PYY: variants seen among roughly 807,000 people sequenced by gnomAD.
PYY encodes the protein peptide tyrosine tyrosine.
Under a neutral mutation model 10.3 loss-of-function variants are expected in PYY, and 12 were observed. The observed-to-expected ratio is 1.17, with a 90% CI of 0.75 to 1.89. The LOEUF is 1.89. PYY is among the 40% of genes most tolerant of loss of function. PYY has a pLI of 0.00. For synonymous variants in PYY, 66 were observed against 62.0 expected (o/e 1.06, Z -0.30); for missense variants, 141 against 134.0 (o/e 1.05, Z -0.26).
intron 1 of PYY, 95 bp downstream of exon 1, chr17:43,953,755 T>C (rs1380322513): frequency 3.1e-6 from 1 of 321,190 alleles, no homozygotes; most frequent in Non-Finnish European, 5.6e-6. Flanking sequence ...TCCAATCCAG[T>C]TTCCTACCAC....
At chr17:44,000,747 T>C (rs378922) in intron 1 of PYY, among the ~76,000 whole-genome samples, 3 of 151,488 alleles carry the variant, frequency 2.0e-5, no homozygotes, top group Non-Finnish European at 2.9e-5. Context: ...CAGGGACAGG[T>C]CTTCGCTACG....
In PYY at chr17:43,952,898, T is replaced by G. The variant is rs2048640957; in HGVS notation, c.*58A>C. On this transcript the variant is annotated 3_prime_UTR_variant, in exon 4 of 4. Coordinates refer to ENST00000692052, the MANE Select transcript of PYY (RefSeq NM_001394028.1). ...GAATCCGGGTTTCTGGGGTCGGGAG[T>G]GCGTATGCAAATGACGTGGGCGTGG... is the stretch of plus-strand genomic sequence containing the variant. 5 of 1,488,596 alleles carry G rather than the reference T, an allele frequency of 3.4e-6. No individual in the cohort carries two copies. The highest frequency in any genetic ancestry group is 4.9e-5 in the Admixed American group (2 of 40,544). 92.2% of individuals were successfully genotyped at this position (1,488,596 alleles called of 1,614,324 possible). A position where few individuals can be genotyped will look rare whatever the true frequency, so the allele number is the denominator to read the frequency against.
At position 43,952,797 on chromosome 17, in the gene PYY, C is replaced by G. The variant is rs915807948; in HGVS notation, c.*159G>C. The G allele has an allele frequency of 9.4e-6, 7 of 742,956 alleles. No homozygotes were observed. In the South Asian group the frequency reaches 1.2e-4, roughly 13 times the overall value. The allele number at this position is 742,956 out of a possible 1,614,324, so 46.0% of individuals were successfully genotyped here. On this transcript the variant is annotated 3_prime_UTR_variant, in exon 4 of 4. Transcript: ENST00000692052. Reference sequence around the variant, plus strand: ...GGAAGGACCACACACAGCCCTCCAGCCCAGGGGGCGGGGGCACCGAGACGC... The same window carrying G: ...GGAAGGACCACACACAGCCCTCCAGGCCAGGGGGCGGGGGCACCGAGACGC...
intron 1 of PYY, among the ~76,000 whole-genome samples, chr17:44,003,725 G>A (rs910781088): frequency 3.4e-5 from 5 of 148,346 alleles, no homozygotes; most frequent in Middle Eastern, 3.4e-3. Context: ...GCTCACACCT[G>A]TAATCCCAGC....
intron 1 of PYY, among the ~76,000 whole-genome samples, chr17:43,967,432 G>A (rs1014715021): frequency 1.3e-5 from 2 of 152,222 alleles, no homozygotes; most frequent in Non-Finnish European, 2.9e-5. Flanking sequence ...TCACCCCACA[G>A]AGCTGTCACA....
chr17:43,966,959 G>A (rs1384402183), intron 1 of PYY, among the ~76,000 whole-genome samples: 3 of 152,082 alleles, frequency 2.0e-5, no homozygotes, highest in African/African-American at 7.2e-5. Flanking sequence ...CATATGTCTT[G>A]AAGACAGAAG....
chr17:43,999,130 C>G (rs2049008931), intron 1 of PYY, among the ~76,000 whole-genome samples: 1 of 151,968 alleles, frequency 6.6e-6, no homozygotes, highest in Non-Finnish European at 1.5e-5. Context: ...GGAAGAGCAG[C>G]CTGAGGCCAG....
At chr17:43,989,190 C>A (rs577733197) in intron 1 of PYY, among the ~76,000 whole-genome samples, 5 of 151,820 alleles carry the variant, frequency 3.3e-5, no homozygotes, top group South Asian at 2.1e-4. Context: ...CTGGCTAACA[C>A]GGTGAAACCC....
intron 1 of PYY, among the ~76,000 whole-genome samples, chr17:43,973,180 A>G (rs181667083): frequency 6.6e-5 from 10 of 152,316 alleles, no homozygotes; most frequent in Admixed American, 2.6e-4. Flanking sequence ...TAAAGTGCTT[A>G]GAACAGAACC....
At chr17:43,970,243 C>G (rs1444489393) in intron 1 of PYY, among the ~76,000 whole-genome samples, 1 of 144,282 alleles carries the variant, frequency 6.9e-6, no homozygotes, top group Non-Finnish European at 1.5e-5. Flanking sequence ...GAAGGTGGCT[C>G]ATGCCTGTAA....
At chr17:43,991,916 G>A (rs1435848545) in intron 1 of PYY, among the ~76,000 whole-genome samples, 1 of 151,168 alleles carries the variant, frequency 6.6e-6, no homozygotes, top group African/African-American at 2.4e-5. Flanking sequence ...GTCAGGAGAT[G>A]GAGACTACCC....
At chr17:43,990,163 C>T (rs632753) in intron 1 of PYY, among the ~76,000 whole-genome samples, 1 of 150,882 alleles carries the variant, frequency 6.6e-6, no homozygotes, top group African/African-American at 2.4e-5. Flanking sequence ...CTCGACGGGG[C>T]GAGGTGGCTC....
chr17:43,994,664 G>C (rs2048979257), intron 1 of PYY, among the ~76,000 whole-genome samples: 1 of 152,124 alleles, frequency 6.6e-6, no homozygotes, highest in Non-Finnish European at 1.5e-5. Flanking sequence ...CCGTGGCTCA[G>C]CCTGAGGGGA....
intron 1 of PYY, 142 bp downstream of exon 1, chr17:43,953,708 C>G (rs955293197): frequency 4.9e-6 from 2 of 411,666 alleles, no homozygotes; most frequent in Admixed American, 4.1e-5. Flanking sequence ...CACCCCCACC[C>G]CCGCTGCTGG....
chr17:43,998,016 G>A (rs1402767498), intron 1 of PYY, among the ~76,000 whole-genome samples: 3 of 151,998 alleles, frequency 2.0e-5, no homozygotes, highest in Non-Finnish European at 4.4e-5. Context: ...TCGTCTCACT[G>A]GAACCTCCAC....
intron 1 of PYY, among the ~76,000 whole-genome samples, chr17:44,002,116 C>G (rs1332786999): frequency 6.6e-6 from 1 of 152,168 alleles, no homozygotes; most frequent in Non-Finnish European, 1.5e-5. Context: ...GCCTTGGAAC[C>G]CAAGATTTCT....
In PYY at chr17:43,962,884, T is replaced by G. The variant is rs142675313; in HGVS notation, c.-218+3404A>C. ...CTGGAGAAGTTCTTGTCCCCTGAGC[T>G]CTCAGCACTGACCCGCCAGGGCTCC... On this transcript the variant is annotated intron_variant, in intron 2 of 6. Coordinates refer to the PYY transcript ENST00000360085. Among the ~76,000 whole-genome samples, 518 of 152,114 alleles carry G rather than the reference T, an allele frequency of 3.4e-3. 3 individuals carry two copies. Among genetic ancestry groups the G allele is most frequent in the African/African-American group, 0.012 (499 of 41,486 alleles).
chr17:43,975,725 AAT>A (rs745420304), intron 1 of PYY, among the ~76,000 whole-genome samples: 1 of 83,768 alleles, frequency 1.2e-5, no homozygotes, highest in African/African-American at 7.8e-5. Flanking sequence ...GAAAAAAAAA[AAT>A]ATATATATAT....
Position 43,952,944 on chromosome 17 carries a change from C to A in PYY, c.*12G>T. On this transcript the variant is annotated 3_prime_UTR_variant, in exon 4 of 4. Transcript: ENST00000692052. ...CGTGGTTGGCAGATCTCCCAGGAGGCCTCAGGGGTCCTCACCACAGGTCTG... is the reference window on the plus strand; with the variant it reads ...CGTGGTTGGCAGATCTCCCAGGAGGACTCAGGGGTCCTCACCACAGGTCTG... The A allele has an allele frequency of 6.5e-7, 1 of 1,544,572 alleles. No homozygotes were observed. Among genetic ancestry groups the A allele is most frequent in the Non-Finnish European group, 8.7e-7 (1 of 1,148,850 alleles).
Sources: gnomAD v4.1 joint callset for allele counts (sites outside exome capture counted in the v4.1 genomes callset) on GRCh38, gnomAD v4.1.1 for gene constraint, MANE v1.5 for transcripts, NCBI Gene and HGNC (gene_info 2026-07-23, HGNC 2026-07-21) for gene names.